The following ALK variants were observed in gnomAD, a reference collection of about 807,000 sequenced individuals.
ALK encodes the protein ALK receptor tyrosine kinase, also known as ALK tyrosine kinase receptor.
Under a neutral mutation model 163.1 loss-of-function variants are expected in ALK, and 74 were observed. That is an observed-to-expected ratio of 0.45 (90% CI 0.38 to 0.55). ALK has a LOEUF of 0.55. Among genes scored for constraint, ALK ranks in the 20% least tolerant of loss-of-function variants. The pLI, the probability that ALK is intolerant of heterozygous loss-of-function variation, is 0.00. For synonymous variants in ALK, 960 were observed against 843.2 expected (o/e 1.14, Z -2.40); for missense variants, 2,063 against 2,105.3 (o/e 0.98, Z 0.39).
chr2:29,539,089 C>T (rs947445419), intron 3 of ALK, among the ~76,000 whole-genome samples: 1 of 152,048 alleles, frequency 6.6e-6, no homozygotes, highest in Middle Eastern at 3.4e-3. Flanking sequence ...TTTACCTTGT[C>T]AAGATTGTGT....
At chr2:29,759,807 C>G (rs115036962) in intron 1 of ALK, among the ~76,000 whole-genome samples, 3 of 152,164 alleles carry the variant, frequency 2.0e-5, no homozygotes, top group Non-Finnish European at 4.4e-5. Flanking sequence ...CTGCTTCCAA[C>G]GTCGAAAGCC....
intron 6 of ALK, among the ~76,000 whole-genome samples, chr2:29,323,438 G>T (rs1051451397): frequency 6.6e-6 from 1 of 152,186 alleles, no homozygotes; most frequent in South Asian, 2.1e-4. Context: ...TCTGTCTCTG[G>T]AATCCCATTC....
intron 11 of ALK, 84 bp from the exon 12 acceptor site, chr2:29,251,351 C>G (rs1664812313): frequency 1.4e-6 from 2 of 1,391,602 alleles, no homozygotes; most frequent in African/African-American, 2.9e-5. Context: ...TCTGAGATAT[C>G]TGCTCCATGG....
intron 3 of ALK, among the ~76,000 whole-genome samples, chr2:29,680,271 C>T (rs960431085): frequency 1.3e-5 from 2 of 151,736 alleles, no homozygotes; most frequent in South Asian, 2.1e-4. Context: ...AAAAATTTTG[C>T]CCCCCTTTTC....
chr2:29,629,507 T>C (rs1318523460), intron 3 of ALK, among the ~76,000 whole-genome samples: 2 of 152,198 alleles, frequency 1.3e-5, no homozygotes, highest in Non-Finnish European at 2.9e-5. Flanking sequence ...TCTAGGATTT[T>C]TGAAGCTAAA....
At chr2:29,474,358 T>A (rs1671450241) in intron 4 of ALK, among the ~76,000 whole-genome samples, 1 of 152,230 alleles carries the variant, frequency 6.6e-6, no homozygotes, top group Non-Finnish European at 1.5e-5. Flanking sequence ...TAAGATGGCT[T>A]CTTACCTGCC....
intron 3 of ALK, among the ~76,000 whole-genome samples, chr2:29,673,106 A>T (rs1323412502): frequency 5.0e-5 from 7 of 140,912 alleles, no homozygotes; most frequent in Non-Finnish European, 7.6e-5. Flanking sequence ...GGTTGCAAAA[A>T]TTTTCTCCCA....
rs1343353214 is a variant in ALK at position 29,920,467 on chromosome 2, G to A, written c.193C>T (p.Arg65Cys). ...AVDFVVPSLF[R>C]VYARDLLLPP... is the part of the protein sequence containing the mutation. ...AGCAGTAGGTCCCGGGCGTAGACAC[G>A]GAAGAGCGAGGGCACCACGAAGTCA... The change falls in exon 1 of 29, where the codon CGT becomes TGT. Residue 65 changes from arginine to cysteine, a missense_variant. Transcript: ENST00000389048. The A allele has an allele frequency of 1.9e-6, 3 of 1,612,598 alleles. No individual in the cohort carries two copies. Among genetic ancestry groups the A allele is most frequent in the Non-Finnish European group, 2.5e-6 (3 of 1,179,518 alleles).
chr2:29,480,163 T>C (rs946931947), intron 4 of ALK, among the ~76,000 whole-genome samples: 1 of 152,198 alleles, frequency 6.6e-6, no homozygotes, highest in East Asian at 1.9e-4. Flanking sequence ...GCATTGACTA[T>C]GGTATGGACA....
chr2:29,826,390 C>A (rs1665199652), intron 1 of ALK, among the ~76,000 whole-genome samples: 1 of 151,272 alleles, frequency 6.6e-6, no homozygotes, highest in Non-Finnish European at 1.5e-5. Flanking sequence ...TGACAAAATT[C>A]TCCAATGAGA....
chr2:29,282,636 G>A (rs1203817655), intron 9 of ALK, among the ~76,000 whole-genome samples: 1 of 152,160 alleles, frequency 6.6e-6, no homozygotes, highest in Non-Finnish European at 1.5e-5. Flanking sequence ...ACGACACCAG[G>A]AGCATGAGTA....
At chr2:29,722,339 C>A (rs2148311171) in intron 1 of ALK, among the ~76,000 whole-genome samples, 1 of 152,316 alleles carries the variant, frequency 6.6e-6, no homozygotes, top group South Asian at 2.1e-4. Flanking sequence ...TCTTTGCTGA[C>A]CAATGAAGAT....
At chr2:29,706,343 C>A (rs1355204498) in intron 2 of ALK, among the ~76,000 whole-genome samples, 2 of 152,220 alleles carry the variant, frequency 1.3e-5, no homozygotes, top group African/African-American at 4.8e-5. Flanking sequence ...GCTCACCAGT[C>A]ACCTTTGTTA....
chr2:29,413,344 C>T (rs1045640416), intron 4 of ALK, among the ~76,000 whole-genome samples: 1 of 151,666 alleles, frequency 6.6e-6, no homozygotes, highest in African/African-American at 2.4e-5. Flanking sequence ...TAAACACATA[C>T]TTGTTATCTT....
intron 1 of ALK, among the ~76,000 whole-genome samples, chr2:29,813,368 T>C (rs1310286442): frequency 1.3e-5 from 2 of 152,070 alleles, no homozygotes; most frequent in East Asian, 3.8e-4. Flanking sequence ...AGCAGAGATG[T>C]CACAAGCTAG....
intron 5 of ALK, among the ~76,000 whole-genome samples, chr2:29,375,525 G>A (rs1362471368): frequency 1.3e-5 from 2 of 152,014 alleles, no homozygotes; most frequent in East Asian, 3.9e-4. Context: ...CACCATGTTG[G>A]CCAGGATGGT....
chr2:29,335,569 G>A (rs775487710), intron 5 of ALK, among the ~76,000 whole-genome samples: 10 of 152,138 alleles, frequency 6.6e-5, no homozygotes, highest in Non-Finnish European at 8.8e-5. Flanking sequence ...CCACAGATAG[G>A]GGCCCAAGAC....
rs1558471751 is a variant in ALK at position 29,750,693 on chromosome 2, A to AGGC, written c.668-32997_668-32996insGCC. ...GAAGGAAGGAAGGAAGGAAGGAAGG[A>AGGC]AGGAAGGCAGGCAGGCAGGAAGGAA... is the stretch of plus-strand genomic sequence containing the variant. On this transcript the variant is annotated intron_variant, in intron 1 of 28. Transcript: ENST00000389048. Among the ~76,000 whole-genome samples the AGGC allele has an allele frequency of 1.2e-3, 121 of 99,012 alleles. 2 individuals carry two copies. Among genetic ancestry groups the AGGC allele is most frequent in the African/African-American group, 3.9e-3 (95 of 24,256 alleles). 65.0% of individuals were successfully genotyped at this position (99,012 alleles called of 152,430 possible). A position where few individuals can be genotyped will look rare whatever the true frequency, so the allele number is the denominator to read the frequency against.
intron 3 of ALK, among the ~76,000 whole-genome samples, chr2:29,595,143 A>T (rs1482594109): frequency 3.3e-5 from 5 of 152,134 alleles, no homozygotes; most frequent in Admixed American, 6.5e-5. Context: ...CATTACACAC[A>T]GCTTAATATC....
Sources: gnomAD v4.1 joint callset for allele counts (sites outside exome capture counted in the v4.1 genomes callset) on GRCh38, gnomAD v4.1.1 for gene constraint, MANE v1.5 for transcripts, NCBI Gene and HGNC (gene_info 2026-07-23, HGNC 2026-07-21) for gene names.